Variants in CASS4 observed in about 807,000 individuals in gnomAD.
CASS4 encodes the protein Cas scaffold protein family member 4.
CASS4 carries 22 observed loss-of-function variants against 54.2 expected under a neutral mutation model. That is an observed-to-expected ratio of 0.41 (90% confidence interval 0.29 to 0.58). The LOEUF (loss-of-function observed/expected upper bound fraction) is 0.58. CASS4 is among the 20% of genes least tolerant of loss of function. CASS4 has a pLI of 0.36. For synonymous variants in CASS4, 409 were observed against 391.5 expected (o/e 1.04, Z -0.53); for missense variants, 854 against 986.7 (o/e 0.87, Z 1.80).
chr20:56,450,825 G>A, intron 4 of CASS4, 146 bp downstream of exon 4: 1 of 659,760 alleles, frequency 1.5e-6, no homozygotes, highest in Non-Finnish European at 2.6e-6. Context: ...CCTGAGGTTG[G>A]GAGTTCAAGA....
intron 2 of CASS4, among the ~76,000 whole-genome samples, chr20:56,443,298 G>A (rs1415782298): frequency 2.6e-5 from 4 of 150,982 alleles, no homozygotes; most frequent in East Asian, 1.9e-4. Flanking sequence ...CCTGGCCAAC[G>A]TGGTACTAAA....
chr20:56,415,933 C>T (rs972353044), intron 1 of CASS4, among the ~76,000 whole-genome samples: 4 of 152,130 alleles, frequency 2.6e-5, no homozygotes, highest in Non-Finnish European at 4.4e-5. Flanking sequence ...TTTTAAAACA[C>T]GTGATATTAG....
At chr20:56,417,281 A>G (rs1979183596) in intron 1 of CASS4, among the ~76,000 whole-genome samples, 1 of 152,220 alleles carries the variant, frequency 6.6e-6, no homozygotes, top group Non-Finnish European at 1.5e-5. Flanking sequence ...TGTGTGCAGA[A>G]AGCTGACCTG....
At chr20:56,444,301 A>G (rs548753038) in intron 2 of CASS4, among the ~76,000 whole-genome samples, 2 of 152,188 alleles carry the variant, frequency 1.3e-5, no homozygotes, top group African/African-American at 2.4e-5. Flanking sequence ...TCAGCTCTGC[A>G]TATTGAAACC....
chr20:56,417,570 G>A (rs774747843), intron 1 of CASS4, among the ~76,000 whole-genome samples: 2 of 152,228 alleles, frequency 1.3e-5, no homozygotes, highest in South Asian at 2.1e-4. Flanking sequence ...ATGAGGGACA[G>A]ACCTGGGCTT....
intron 2 of CASS4, among the ~76,000 whole-genome samples, chr20:56,443,059 AG>A (rs1216203138): frequency 7.0e-6 from 1 of 143,376 alleles, no homozygotes; most frequent in African/African-American, 2.5e-5. Flanking sequence ...GCATTTGGAA[AG>A]GGTCTGCGGG....
At chr20:56,444,604 ATTATT>A (rs1980618285) in intron 2 of CASS4, among the ~76,000 whole-genome samples, 1 of 152,154 alleles carries the variant, frequency 6.6e-6, no homozygotes, top group South Asian at 2.1e-4. Flanking sequence ...TGGCAGCTGT[ATTATT>A]TTAAAGTTCC....
chr20:56,432,810 C>T (rs1282979216), intron 1 of CASS4, among the ~76,000 whole-genome samples: 4 of 152,180 alleles, frequency 2.6e-5, no homozygotes, highest in Non-Finnish European at 4.4e-5. Context: ...ATAATGATTC[C>T]GTGTGCAGAC....
chr20:56,437,676 G>T lies in CASS4; in HGVS notation c.459+90G>T. 8.3e-7 allele frequency: 1 copy of T among 1,198,082 alleles called. No homozygotes were observed. Among genetic ancestry groups the T allele is most frequent in the Non-Finnish European group, 1.1e-6 (1 of 875,308 alleles). The allele number at this position is 1,198,082 out of a possible 1,614,324, so 74.2% of individuals were successfully genotyped here. On this transcript the variant is annotated intron_variant, in intron 2 of 5. Coordinates refer to ENST00000679887, the MANE Select transcript of CASS4 (RefSeq NM_020356.4). The surrounding 1 kb of genome is among the most constrained non-coding windows in gnomAD (Gnocchi z 4.7). ...CCTCTTGAGGCATGGGTGTCCTTCA[G>T]ATCAAACACGCAAAACGGGAGCCCA...
chr20:56,428,837 C>T (rs771064174), intron 1 of CASS4, among the ~76,000 whole-genome samples: 2 of 152,152 alleles, frequency 1.3e-5, no homozygotes, highest in Non-Finnish European at 2.9e-5. Flanking sequence ...TGCTGCATGA[C>T]CAGAGGCAGG....
Position 56,458,819 on chromosome 20 carries a change from A to T in CASS4, c.*72A>T. On this transcript the variant is annotated 3_prime_UTR_variant, in exon 6 of 6. Coordinates refer to ENST00000679887, the MANE Select transcript of CASS4 (RefSeq NM_020356.4). Reference sequence around the variant, plus strand: ...CCCACAACTTGTGCAACTCTGCCCTATGGGAAAAGCCAGCCGGGGCATACA... The same window carrying T: ...CCCACAACTTGTGCAACTCTGCCCTTTGGGAAAAGCCAGCCGGGGCATACA... 7.0e-7 allele frequency: 1 copy of T among 1,424,174 alleles called. No homozygotes were observed. The highest frequency in any genetic ancestry group is 9.4e-7 in the Non-Finnish European group (1 of 1,063,934). 88.2% of individuals were successfully genotyped at this position (1,424,174 alleles called of 1,614,324 possible). A position where few individuals can be genotyped will look rare whatever the true frequency, so the allele number is the denominator to read the frequency against.
At chr20:56,442,423 A>T (rs1338686516) in intron 2 of CASS4, among the ~76,000 whole-genome samples, 1 of 151,654 alleles carries the variant, frequency 6.6e-6, no homozygotes, top group Non-Finnish European at 1.5e-5. Context: ...TTATTCCTTG[A>T]TCTTCTTTCA....
At position 56,459,512 on chromosome 20, in the gene CASS4, G is replaced by T; in HGVS notation, c.*765G>T. ...TACCAGTTTTCATCTGAATCCACTG[G>T]GGAGTGGGGCGATTTTGTTTTAATT... is the stretch of plus-strand genomic sequence containing the variant. On this transcript the variant is annotated 3_prime_UTR_variant, in exon 6 of 6. Coordinates refer to ENST00000679887, the MANE Select transcript of CASS4 (RefSeq NM_020356.4). 3.9e-6 allele frequency: 1 copy of T among 254,542 alleles called. No individual in the cohort carries two copies. Among genetic ancestry groups the T allele is most frequent in the South Asian group, 5.6e-5 (1 of 17,896 alleles). The allele number at this position is 254,542 out of a possible 1,614,324, so 15.8% of individuals were successfully genotyped here. A position where few individuals can be genotyped will look rare whatever the true frequency, so the allele number is the denominator to read the frequency against.
chr20:56,428,799 G>A (rs947651001), intron 1 of CASS4, among the ~76,000 whole-genome samples: 1 of 152,130 alleles, frequency 6.6e-6, no homozygotes, highest in African/African-American at 2.4e-5. Context: ...AGATGGATGC[G>A]AGTTTGAATC....
rs143746875 is a variant in CASS4 at position 56,451,992 on chromosome 20, C to T, written c.816C>T (p.Leu272=). 1 of 1,614,236 alleles carries T rather than the reference C, an allele frequency of 6.2e-7. No homozygotes were observed. The change falls in exon 5 of 6, where the codon CTC becomes CTT. Residue 272 remains leucine (L), a synonymous_variant. Coordinates refer to ENST00000679887, the MANE Select transcript of CASS4 (RefSeq NM_020356.4). ...CGGAAGAATCAAGGCCCCACGCTCT[C>T]CCCAGTTCCAGCTCCACTTTCTACA... The part of the protein sequence containing the change: ...SFAEESRPHA[L]PSSSSTFYNP...
chr20:56,437,671 C>T lies in CASS4; in HGVS notation c.459+85C>T. The T allele has an allele frequency of 8.0e-7, 1 of 1,249,154 alleles. No individual in the cohort carries two copies. The highest frequency in any genetic ancestry group is 1.1e-6 in the Non-Finnish European group (1 of 917,484). 77.4% of individuals were successfully genotyped at this position (1,249,154 alleles called of 1,614,324 possible). ...AACTACCTCTTGAGGCATGGGTGTC[C>T]TTCAGATCAAACACGCAAAACGGGA... On this transcript the variant is annotated intron_variant, in intron 2 of 5. Transcript: ENST00000679887. The surrounding 1 kb of genome is among the most constrained non-coding windows in gnomAD (Gnocchi z 4.7).
intron 2 of CASS4, 26 bp from the exon 3 acceptor site, chr20:56,445,874 C>T (rs1329239036): frequency 6.5e-7 from 1 of 1,548,690 alleles, no homozygotes; most frequent in Non-Finnish European, 8.9e-7. Flanking sequence ...TTTCCTTTTC[C>T]TCTTTTCTCC....
intron 1 of CASS4, among the ~76,000 whole-genome samples, chr20:56,418,777 G>A (rs1019246953): frequency 2.0e-5 from 3 of 152,212 alleles, no homozygotes; most frequent in African/African-American, 7.2e-5. Flanking sequence ...TGTTACGTTT[G>A]ATTCAGGAAC....
chr20:56,452,283 C>G lies in CASS4; in HGVS notation c.1107C>G (p.Ala369=). ...AGGCTGGGAAGGAGCTGGAGAAAGC[C>G]AAGGAGGTGTCAGAGAATTCCGCGG... The part of the protein sequence containing the change: ...VSQAGKELEK[A]KEVSENSAGH... The change falls in exon 5 of 6, where the codon GCC becomes GCG. Residue 369 remains alanine (A), a synonymous_variant. Coordinates refer to ENST00000679887, the MANE Select transcript of CASS4 (RefSeq NM_020356.4). 6.2e-7 allele frequency: 1 copy of G among 1,613,910 alleles called. No individual in the cohort carries two copies. The highest frequency in any genetic ancestry group is 1.1e-5 in the South Asian group (1 of 91,086).
Sources: gnomAD v4.1 joint callset for allele counts (sites outside exome capture counted in the v4.1 genomes callset) on GRCh38, gnomAD v4.1.1 for gene constraint, Gnocchi (gnomAD v3.1) non-coding constraint, MANE v1.5 for transcripts, NCBI Gene and HGNC (gene_info 2026-07-23, HGNC 2026-07-21) for gene names.